Variants in GTF2F2 observed in about 807,000 individuals in gnomAD.
GTF2F2 encodes ATP-dependent helicase GTF2F2.
A neutral mutation model predicts 42.2 loss-of-function variants in GTF2F2; 23 were observed. The ratio of observed to expected loss-of-function variants is 0.55; its 90% confidence interval spans 0.39 to 0.77. The LOEUF (loss-of-function observed/expected upper bound fraction) is 0.77. Among genes scored for constraint, GTF2F2 ranks in the 30% least tolerant of loss-of-function variants. The pLI, the probability that GTF2F2 is intolerant of heterozygous loss-of-function variation, is 0.00. For synonymous variants in GTF2F2, 105 were observed against 100.8 expected (o/e 1.04, Z -0.25); for missense variants, 261 against 287.2 (o/e 0.91, Z 0.66).
chr13:45,230,684 G>A (rs1219499575), intron 5 of GTF2F2, among the ~76,000 whole-genome samples: 1 of 152,150 alleles, frequency 6.6e-6, no homozygotes, highest in Non-Finnish European at 1.5e-5. Flanking sequence ...ACAGTGATAT[G>A]TTATACATAA....
intron 2 of GTF2F2, among the ~76,000 whole-genome samples, chr13:45,145,648 C>T (rs565373535): frequency 6.6e-6 from 1 of 152,280 alleles, no homozygotes; most frequent in Admixed American, 6.5e-5. Context: ...CCTTTTCTTA[C>T]TTGTGCTTCT....
chr13:45,228,763 C>T lies in GTF2F2; in HGVS notation c.386+21258C>T, dbSNP rs554181061. 5.9e-5 allele frequency among the ~76,000 whole-genome samples: 9 copies of T among 151,462 alleles called. No homozygotes were observed. In the South Asian group the frequency reaches 8.4e-4, roughly 14 times the overall value. On this transcript the variant is annotated intron_variant, in intron 5 of 7. Transcript: ENST00000340473. The stretch of plus-strand genomic sequence containing the variant: ...TCGTCTCACCGCAACCTCCGCCTCC[C>T]GGGTTCAAGCAATTCTCCTGCCTCA...
Position 45,228,545 on chromosome 13 carries a change from A to T in GTF2F2, c.386+21040A>T, listed in dbSNP as rs1874491426. ...GCATTTGTCTGCTTACCATGCTCAC[A>T]CACCGTTCTTCCCTTTAACCAATGG... is the stretch of plus-strand genomic sequence containing the variant. On this transcript the variant is annotated intron_variant, in intron 5 of 7. Transcript: ENST00000340473. Among the ~76,000 whole-genome samples, 6 of 149,468 alleles carry T rather than the reference A, an allele frequency of 4.0e-5. 1 individual carries two copies. In the South Asian group the frequency reaches 1.3e-3, roughly 32 times the overall value.
chr13:45,180,012 T>A (rs1381399730), intron 4 of GTF2F2, among the ~76,000 whole-genome samples: 2 of 152,150 alleles, frequency 1.3e-5, no homozygotes, highest in Non-Finnish European at 2.9e-5. Flanking sequence ...TTATCTTTTT[T>A]AAAAACTCCA....
chr13:45,214,982 AAAAACCTAAG>A (rs1232902759), intron 5 of GTF2F2, among the ~76,000 whole-genome samples: 1 of 152,178 alleles, frequency 6.6e-6, no homozygotes, highest in African/African-American at 2.4e-5. Flanking sequence ...GATTTTTTCC[AAAAACCTAAG>A]AAAACCCTTT....
chr13:45,251,059 C>T (rs1208626575), intron 5 of GTF2F2, among the ~76,000 whole-genome samples: 1 of 152,124 alleles, frequency 6.6e-6, no homozygotes, highest in African/African-American at 2.4e-5. Flanking sequence ...TAAATATTTA[C>T]ATTTCCATAC....
chr13:45,232,322 T>G (rs568321286), intron 5 of GTF2F2, among the ~76,000 whole-genome samples: 31 of 152,286 alleles, frequency 2.0e-4, no homozygotes, highest in African/African-American at 6.0e-4. Context: ...TTTAGTATAA[T>G]GTGAAAATTG....
At chr13:45,190,617 A>T (rs116359861) in intron 4 of GTF2F2, among the ~76,000 whole-genome samples, 1,821 of 152,284 alleles carry the variant, frequency 0.012, 31 homozygotes, top group African/African-American at 0.037. Flanking sequence ...GAATTGTTTG[A>T]GGTTTAATTG....
chr13:45,236,520 C>CACACACACACACACAA (rs1295462147), intron 5 of GTF2F2, among the ~76,000 whole-genome samples: 5 of 132,562 alleles, frequency 3.8e-5, no homozygotes, highest in African/African-American at 1.6e-4. Context: ...CACACACACA[C>CACACACACACACACAA]ACACACACAA....
chr13:45,220,937 A>ATGTGTGTGTG (rs145850282), intron 5 of GTF2F2: 1 of 144,320 alleles, frequency 6.9e-6, no homozygotes, highest in African/African-American at 2.5e-5. Context: ...CTTAAAATGT[A>ATGTGTGTGTG]TGTGTGTGTG....
chr13:45,256,042 A>T (rs749701428), intron 6 of GTF2F2, among the ~76,000 whole-genome samples: 19 of 152,222 alleles, frequency 1.2e-4, no homozygotes, highest in Non-Finnish European at 2.4e-4. Context: ...ATAGGAAAAG[A>T]TTGGAAACAA....
chr13:45,190,928 A>C (rs944734029), intron 4 of GTF2F2, among the ~76,000 whole-genome samples: 1 of 144,742 alleles, frequency 6.9e-6, no homozygotes, highest in African/African-American at 2.8e-5. Flanking sequence ...TTGAAATACA[A>C]GTAATTTTCT....
intron 1 of GTF2F2, among the ~76,000 whole-genome samples, chr13:45,131,069 A>C (rs1394433306): frequency 6.6e-6 from 1 of 152,110 alleles, no homozygotes; most frequent in African/African-American, 2.4e-5. Context: ...CCTGACCAAC[A>C]TGGAGAAACC....
chr13:45,172,562 CTTTT>C (rs1010651474), intron 4 of GTF2F2, among the ~76,000 whole-genome samples: 1 of 152,056 alleles, frequency 6.6e-6, no homozygotes, highest in African/African-American at 2.4e-5. Flanking sequence ...TCTAATGTCT[CTTTT>C]TTATTTTTAT....
At chr13:45,144,174 C>T (rs1217814129) in intron 2 of GTF2F2, among the ~76,000 whole-genome samples, 2 of 151,982 alleles carry the variant, frequency 1.3e-5, no homozygotes, top group Admixed American at 6.6e-5. Flanking sequence ...ATCGCTTGAA[C>T]CCGGGGAAGC....
At chr13:45,194,820 ATTTT>A (rs755484650) in intron 4 of GTF2F2, 10 of 481,600 alleles carry the variant, frequency 2.1e-5, no homozygotes, top group Non-Finnish European at 3.7e-5. Context: ...TTGTGAAAGG[ATTTT>A]CATGTCTATC....
chr13:45,174,634 C>CTTTTT (rs397950608), intron 4 of GTF2F2, among the ~76,000 whole-genome samples: 55 of 81,434 alleles, frequency 6.8e-4, no homozygotes, highest in African/African-American at 2.2e-3. Flanking sequence ...TTTCTTTTTT[C>CTTTTT]TTTTTTTTTT....
chr13:45,161,194 C>T (rs1014460659), intron 4 of GTF2F2, among the ~76,000 whole-genome samples: 3 of 152,146 alleles, frequency 2.0e-5, no homozygotes, highest in South Asian at 2.1e-4. Context: ...ACCATTTGGC[C>T]TCAATTTGTG....
chr13:45,274,268 G>A (rs903531681), intron 7 of GTF2F2, among the ~76,000 whole-genome samples: 3 of 151,084 alleles, frequency 2.0e-5, no homozygotes, highest in Non-Finnish European at 4.4e-5. Flanking sequence ...ATAAGCTGAA[G>A]CAGCCTCCCT....
Sources: gnomAD v4.1 joint callset for allele counts (sites outside exome capture counted in the v4.1 genomes callset) on GRCh38, gnomAD v4.1.1 for gene constraint, MANE v1.5 for transcripts, NCBI Gene and HGNC (gene_info 2026-07-23, HGNC 2026-07-21) for gene names.